The following GPC5 variants were observed in gnomAD, a reference collection of about 807,000 sequenced individuals.
The protein encoded by GPC5 is glypican 5.
Under a neutral mutation model 53.9 loss-of-function variants are expected in GPC5, and 47 were observed. The observed-to-expected ratio is 0.87, with a 90% CI of 0.69 to 1.11. The LOEUF (loss-of-function observed/expected upper bound fraction) is 1.11. Among genes scored for constraint, GPC5 ranks in the 50% most tolerant of loss-of-function variants. GPC5 has a pLI of 0.00. For synonymous variants in GPC5, 286 were observed against 263.3 expected (o/e 1.09, Z -0.84); for missense variants, 748 against 713.1 (o/e 1.05, Z -0.56).
chr13:92,495,283 T>G (rs1041589665), intron 7 of GPC5, among the ~76,000 whole-genome samples: 4 of 152,220 alleles, frequency 2.6e-5, no homozygotes, highest in Admixed American at 2.0e-4. Context: ...TGAAGTTTAC[T>G]GAACTAAATT....
chr13:92,129,997 CA>C (rs1300717558), intron 6 of GPC5, among the ~76,000 whole-genome samples: 2 of 151,930 alleles, frequency 1.3e-5, no homozygotes, highest in Admixed American at 1.3e-4. Context: ...GAACATAATA[CA>C]AATAAAACCT....
chr13:92,060,533 G>A (rs1293342314), intron 6 of GPC5, among the ~76,000 whole-genome samples: 4 of 151,896 alleles, frequency 2.6e-5, no homozygotes, highest in Non-Finnish European at 5.9e-5. Context: ...GTTAATTAGG[G>A]CTCTCATCAA....
intron 7 of GPC5, among the ~76,000 whole-genome samples, chr13:92,209,234 A>G (rs1351713176): frequency 6.6e-6 from 1 of 152,214 alleles, no homozygotes; most frequent in African/African-American, 2.4e-5. Context: ...ATAGAGATGT[A>G]TCCCTTCATA....
At chr13:92,315,567 G>T (rs1216217630) in intron 7 of GPC5, among the ~76,000 whole-genome samples, 2 of 152,088 alleles carry the variant, frequency 1.3e-5, no homozygotes, top group Non-Finnish European at 2.9e-5. Flanking sequence ...CTTGGTCATG[G>T]GTCTCTGTAC....
intron 7 of GPC5, among the ~76,000 whole-genome samples, chr13:92,284,576 G>C (rs200017691): frequency 1.3e-5 from 2 of 152,094 alleles, no homozygotes; most frequent in Non-Finnish European, 2.9e-5. Flanking sequence ...GGGATGCAAG[G>C]CTGGTTCAAC....
At chr13:91,756,718 G>GTTGTTTACCAAATATTGTATTTCTTT (rs3837548) in intron 5 of GPC5, among the ~76,000 whole-genome samples, 16,990 of 151,722 alleles carry the variant, frequency 0.11, 1,094 homozygotes, top group East Asian at 0.32. Flanking sequence ...CAGTCTGTCT[G>GTTGTTTACCAAATATTGTATTTCTTT]TTGTTTACCA....
intron 2 of GPC5, among the ~76,000 whole-genome samples, chr13:91,567,692 A>T (rs2031597093): frequency 6.6e-6 from 1 of 152,170 alleles, no homozygotes; most frequent in Admixed American, 6.6e-5. Flanking sequence ...TTGTTTGTCG[A>T]AGTCTGTTGG....
chr13:92,076,226 G>A (rs2041251122), intron 6 of GPC5, among the ~76,000 whole-genome samples: 1 of 151,956 alleles, frequency 6.6e-6, no homozygotes, highest in Non-Finnish European at 1.5e-5. Flanking sequence ...CCACCACCAT[G>A]CCTGGCTTAT....
chr13:92,709,674 C>T (rs1475983578), intron 7 of GPC5: 1 of 152,192 alleles, frequency 6.6e-6, no homozygotes, highest in Non-Finnish European at 1.5e-5. Context: ...TCACACTCTA[C>T]TGGCCCACAT....
At chr13:92,695,876 G>A (rs528801005) in intron 7 of GPC5, among the ~76,000 whole-genome samples, 215 of 151,826 alleles carry the variant, frequency 1.4e-3, no homozygotes, top group African/African-American at 4.5e-3. Context: ...GACAGGCCCC[G>A]GTGTGTGGTG....
At chr13:91,818,362 A>C (rs948814457) in intron 5 of GPC5, among the ~76,000 whole-genome samples, 1 of 152,230 alleles carries the variant, frequency 6.6e-6, no homozygotes, top group African/African-American at 2.4e-5. Context: ...AATAACACCC[A>C]ACTTTTTATC....
At chr13:92,482,975 G>A (rs1566610192) in intron 7 of GPC5, among the ~76,000 whole-genome samples, 1 of 152,148 alleles carries the variant, frequency 6.6e-6, no homozygotes, top group Non-Finnish European at 1.5e-5. Flanking sequence ...CATGGCAGAA[G>A]GCAAAGGAGA....
chr13:91,399,301 A>C (rs1004658325), intron 1 of GPC5, 92 bp downstream of exon 1: 1 of 1,436,898 alleles, frequency 7.0e-7, no homozygotes, highest in South Asian at 1.3e-5. Context: ...TGGGAAGATG[A>C]CCTTTCGGGC....
intron 2 of GPC5, among the ~76,000 whole-genome samples, chr13:91,631,460 A>G (rs2034156564): frequency 6.6e-6 from 1 of 152,146 alleles, no homozygotes; most frequent in Non-Finnish European, 1.5e-5. Context: ...AGAACCTAGT[A>G]TGGACTCAAG....
chr13:91,632,801 G>A lies in GPC5; in HGVS notation c.326-60386G>A, dbSNP rs1443632968. Among the ~76,000 whole-genome samples the A allele has an allele frequency of 4.6e-5, 7 of 152,124 alleles. No individual in the cohort carries two copies. In the South Asian group the frequency reaches 1.4e-3, roughly 31 times the overall value. On this transcript the variant is annotated intron_variant, in intron 2 of 7. Transcript: ENST00000377067. ...GGTCACCTGAGGATCCTGACACAGG[G>A]CTATGTCCTCCCTAATTCCCCAGGG...
At position 92,492,567 on chromosome 13, in the gene GPC5, A is replaced by G. The variant is rs1347346958; in HGVS notation, c.1561+347578A>G. ...AAAATAAAACAAAACAAAAAAAGTAACACATTAATTTTCTTAAGAAAGTAA... is the reference window on the plus strand; with the variant it reads ...AAAATAAAACAAAACAAAAAAAGTAGCACATTAATTTTCTTAAGAAAGTAA... On this transcript the variant is annotated intron_variant, in intron 7 of 7. Coordinates refer to ENST00000377067, the MANE Select transcript of GPC5 (RefSeq NM_004466.6). Among the ~76,000 whole-genome samples the G allele has an allele frequency of 6.6e-5, 10 of 152,258 alleles. No homozygotes were observed. The East Asian group carries it at 1.9e-3, about 29-fold the overall frequency.
chr13:92,480,224 G>C (rs1012128220), intron 7 of GPC5, among the ~76,000 whole-genome samples: 1 of 152,188 alleles, frequency 6.6e-6, no homozygotes, highest in Admixed American at 6.5e-5. Flanking sequence ...ACTAACATCA[G>C]ATGGTGCTAA....
chr13:92,754,541 G>C (rs1364243754), intron 7 of GPC5, among the ~76,000 whole-genome samples: 2 of 151,430 alleles, frequency 1.3e-5, no homozygotes, highest in East Asian at 4.0e-4. Flanking sequence ...TGGCAAATTG[G>C]ATAAAGAGTC....
intron 7 of GPC5, among the ~76,000 whole-genome samples, chr13:92,470,926 T>G: frequency 6.6e-6 from 1 of 152,082 alleles, no homozygotes; most frequent in East Asian, 1.9e-4. Context: ...AGAAGCAAGT[T>G]GCTTTGATGA....
Sources: allele counts gnomAD v4.1 joint callset (sites outside exome capture counted in the v4.1 genomes callset), GRCh38; gene constraint gnomAD v4.1.1; transcripts MANE v1.5; gene names NCBI Gene and HGNC (gene_info 2026-07-23, HGNC 2026-07-21).